The following BIRC6 variants were observed in gnomAD, a reference collection of about 807,000 sequenced individuals.
BIRC6 encodes the protein dual E2 ubiquitin-conjugating enzyme/E3 ubiquitin-protein ligase BIRC6.
A neutral mutation model predicts 503.3 loss-of-function variants in BIRC6; 98 were observed. That is an observed-to-expected ratio of 0.19 (90% CI 0.17 to 0.23). BIRC6 has a LOEUF of 0.23. Among genes scored for constraint, BIRC6 ranks in the 10% least tolerant of loss-of-function variants. The pLI is 1.00. For missense variants in BIRC6, 5,360 were observed against 5,806.0 expected, an observed-to-expected ratio of 0.92 and a Z score of 2.50; for synonymous variants, 2,240 against 2,078.7, an observed-to-expected ratio of 1.08 and a Z score of -2.11.
At chr2:32,465,191 T>C in intron 26 of BIRC6, 27 bp downstream of exon 26, 2 of 1,246,664 alleles carry the variant, frequency 1.6e-6, no homozygotes, top group Non-Finnish European at 2.2e-6. Context: ...TTAAATTTTT[T>C]TTTTTTTTTT....
At chr2:32,450,782 C>CTT (rs534898881) in intron 22 of BIRC6, among the ~76,000 whole-genome samples, 55 of 152,242 alleles carry the variant, frequency 3.6e-4, no homozygotes, top group African/African-American at 1.3e-3. Context: ...TTGTGTATAA[C>CTT]TTACACACAT....
intron 39 of BIRC6, among the ~76,000 whole-genome samples, chr2:32,483,715 G>T (rs906679143): frequency 6.6e-6 from 1 of 152,176 alleles, no homozygotes; most frequent in Non-Finnish European, 1.5e-5. Context: ...TTATTTTGTA[G>T]AATGGTCCTC....
chr2:32,442,170 C>T lies in BIRC6; in HGVS notation c.4050C>T (p.Ser1350=), dbSNP rs1042118842. ...DDGQITEHAQ[S]LVLDTLCWLA... is the part of the protein sequence containing the mutation. ...GCCAGATCACAGAACATGCCCAGAG[C>T]CTTGTGTTGGATACTCTCTGTTGGT... Residue 1350 remains serine, a synonymous_variant, in exon 18 of 74, where the codon AGC becomes AGT. Transcript: ENST00000421745. 3 of 1,611,310 alleles carry T rather than the reference C, an allele frequency of 1.9e-6. No homozygotes were observed. The African/African-American group carries it at 4.0e-5, about 22-fold the overall frequency.
At position 32,462,824 on chromosome 2, in the gene BIRC6, T is replaced by C. The variant is rs554356592; in HGVS notation, c.4754-370T>C. On this transcript the variant is annotated intron_variant, in intron 23 of 73. Transcript: ENST00000421745. Reference sequence around the variant, plus strand: ...TACAAAAATTAGCCAGGCATGGTGGTGCATGCCTCTAATCCCAGCTACTCA... The same window carrying C: ...TACAAAAATTAGCCAGGCATGGTGGCGCATGCCTCTAATCCCAGCTACTCA... Among the ~76,000 whole-genome samples the C allele has an allele frequency of 1.9e-4, 29 of 151,956 alleles. No homozygotes were observed. In the East Asian group the frequency reaches 5.2e-3, roughly 27 times the overall value.
chr2:32,513,178 T>C (rs1284777047), intron 54 of BIRC6, 24 bp downstream of exon 54: 1 of 1,576,600 alleles, frequency 6.3e-7, no homozygotes, highest in Admixed American at 1.7e-5. Context: ...GTGAAATCTT[T>C]TTTATCCCCC....
intron 61 of BIRC6, among the ~76,000 whole-genome samples, chr2:32,541,182 C>G (rs2057634182): frequency 6.6e-6 from 1 of 151,992 alleles, no homozygotes; most frequent in South Asian, 2.1e-4. Context: ...TTATATGAAA[C>G]TATCTTCTGT....
In BIRC6 at chr2:32,357,067, T is replaced by C; in HGVS notation, c.-95T>C. ...CCTCTCCCGTCAGCCTCCCTCCGAG[T>C]TTGGCCCCTCCGGCCGGGCGATCGA... On this transcript the variant is annotated 5_prime_UTR_variant, in exon 1 of 74. Coordinates refer to ENST00000421745, the MANE Select transcript of BIRC6 (RefSeq NM_016252.4). The surrounding 1 kb of genome is among the most constrained non-coding windows in gnomAD (Gnocchi z 4.9). 1 of 1,105,248 alleles carries C rather than the reference T, an allele frequency of 9.0e-7. No homozygotes were observed. The highest frequency in any genetic ancestry group is 1.8e-5 in the South Asian group (1 of 57,102). 68.5% of individuals were successfully genotyped at this position (1,105,248 alleles called of 1,614,324 possible).
rs1275645911 is a variant in BIRC6 at position 32,505,174 on chromosome 2, A to C, written c.9669A>C (p.Ile3223=). 6.3e-7 allele frequency: 1 copy of C among 1,583,798 alleles called. No individual in the cohort carries two copies. Among genetic ancestry groups the C allele is most frequent in the East Asian group, 2.3e-5 (1 of 43,650 alleles). The change falls in exon 50 of 74, where the codon ATA becomes ATC. Residue 3223 remains isoleucine, a synonymous_variant. Coordinates refer to ENST00000421745, the MANE Select transcript of BIRC6 (RefSeq NM_016252.4). The stretch of plus-strand genomic sequence containing the variant: ...CTGCAGCAGTGCTGCTTAAGGAGAT[A>C]CATATCCAGCCTCATCTTGCATCTC... The part of the protein sequence containing the change: ...HLPAAVLLKE[I]HIQPHLASLA...
At chr2:32,489,936 G>A (rs981965778) in intron 42 of BIRC6, 105 bp from the exon 43 acceptor site, 10 of 740,536 alleles carry the variant, frequency 1.4e-5, no homozygotes, top group South Asian at 3.5e-5. Context: ...GTTAAGGAGC[G>A]GATTTAAAGA....
At chr2:32,446,096 T>A (rs1480116497) in intron 21 of BIRC6, among the ~76,000 whole-genome samples, 1 of 152,166 alleles carries the variant, frequency 6.6e-6, no homozygotes, top group Non-Finnish European at 1.5e-5. Flanking sequence ...CCTCAGTTGA[T>A]CCGCCCGCCT....
chr2:32,395,353 G>A (rs933234720), intron 5 of BIRC6, among the ~76,000 whole-genome samples, 158 bp from the exon 6 acceptor site: 2 of 152,058 alleles, frequency 1.3e-5, no homozygotes, highest in African/African-American at 4.8e-5. Context: ...AATATTTGGA[G>A]GTTTCAGTGT....
chr2:32,367,044 A>G (rs931269304), intron 1 of BIRC6, among the ~76,000 whole-genome samples: 1 of 152,252 alleles, frequency 6.6e-6, no homozygotes, highest in African/African-American at 2.4e-5. Flanking sequence ...AAGGGATACA[A>G]AAAAGTTAAG....
At position 32,547,851 on chromosome 2, in the gene BIRC6, C is replaced by G. The variant is rs776221366; in HGVS notation, c.12812C>G (p.Pro4271Arg). 1.9e-6 allele frequency: 3 copies of G among 1,547,760 alleles called. No individual in the cohort carries two copies. The highest frequency in any genetic ancestry group is 4.4e-5 in the Admixed American group (2 of 45,500). The change falls in exon 64 of 74, where the codon CCA becomes CGA. Residue 4271 changes from proline (P) to arginine (R), a missense_variant and splice_region_variant. Coordinates refer to ENST00000421745, the MANE Select transcript of BIRC6 (RefSeq NM_016252.4). Reference sequence around the variant, plus strand: ...ATTTTCATTTTTTGTTATTTTAAGCCACAGGTGTCAAGCTCTCATAACCCT... The same window carrying G: ...ATTTTCATTTTTTGTTATTTTAAGCGACAGGTGTCAAGCTCTCATAACCCT... ...VPNSSVNQTE[P>R]QVSSSHNPTS...
At chr2:32,395,638 T>G in intron 6 of BIRC6, 45 bp downstream of exon 6, 11 of 1,462,742 alleles carry the variant, frequency 7.5e-6, no homozygotes, top group Non-Finnish European at 1.0e-5. Context: ...GTCAGTCGTG[T>G]AAATAATGCT....
chr2:32,579,114 G>A lies in BIRC6; in HGVS notation c.13355+3748G>A, dbSNP rs570557546. On this transcript the variant is annotated intron_variant, in intron 66 of 73. Transcript: ENST00000421745. ...AAATAGATTCATTGTGTATTCTGCAGATCTCTAGGTAGTGATTGTGGTTGC... is the reference window on the plus strand; with the variant it reads ...AAATAGATTCATTGTGTATTCTGCAAATCTCTAGGTAGTGATTGTGGTTGC... Among the ~76,000 whole-genome samples the A allele has an allele frequency of 4.7e-5, 7 of 148,820 alleles. No homozygotes were observed. In the South Asian group the frequency reaches 1.3e-3, roughly 27 times the overall value.
intron 32 of BIRC6, among the ~76,000 whole-genome samples, chr2:32,472,123 G>A (rs2049175178): frequency 6.6e-6 from 1 of 152,236 alleles, no homozygotes; most frequent in Non-Finnish European, 1.5e-5. Flanking sequence ...TTGAAGTGCA[G>A]TGGCACGATC....
intron 6 of BIRC6, among the ~76,000 whole-genome samples, chr2:32,399,728 A>T (rs1195255482): frequency 1.3e-5 from 2 of 152,146 alleles, no homozygotes; most frequent in Non-Finnish European, 2.9e-5. Flanking sequence ...TCTTAAAGTC[A>T]TTATACCAGT....
At chr2:32,592,945 A>G (rs570496690) in intron 66 of BIRC6, among the ~76,000 whole-genome samples, 1 of 152,172 alleles carries the variant, frequency 6.6e-6, no homozygotes, top group South Asian at 2.1e-4. Context: ...TAGTTCTCTA[A>G]GGCTCCATGA....
In BIRC6 at chr2:32,377,458, T is replaced by C. The variant is rs139377707; in HGVS notation, c.326-130T>C. Reference sequence around the variant, plus strand: ...ATCCAGTTGGCCCAATAATGTTCTTTAGAGAAGTTTTTTCCAGTTTAAGAT... The same window carrying C: ...ATCCAGTTGGCCCAATAATGTTCTTCAGAGAAGTTTTTTCCAGTTTAAGAT... On this transcript the variant is annotated intron_variant, in intron 1 of 73. Coordinates refer to ENST00000421745, the MANE Select transcript of BIRC6 (RefSeq NM_016252.4). 1,183 of 600,036 alleles carry C rather than the reference T, an allele frequency of 2.0e-3. 12 individuals carry two copies. The African/African-American group carries it at 0.02, about 10-fold the overall frequency. 37.2% of individuals were successfully genotyped at this position (600,036 alleles called of 1,614,324 possible).
Sources: allele counts gnomAD v4.1 joint callset (sites outside exome capture counted in the v4.1 genomes callset), GRCh38; gene constraint gnomAD v4.1.1; non-coding constraint Gnocchi (gnomAD v3.1); transcripts MANE v1.5; gene names NCBI Gene and HGNC (gene_info 2026-07-23, HGNC 2026-07-21).